REEP5: variants seen among roughly 807,000 people sequenced by gnomAD.
The protein encoded by REEP5 is receptor expression-enhancing protein 5.
A neutral mutation model predicts 22.4 loss-of-function variants in REEP5; 24 were observed. The observed-to-expected ratio is 1.07, with a 90% CI of 0.78 to 1.51. The LOEUF (loss-of-function observed/expected upper bound fraction) is 1.51, where lower values mean the gene tolerates loss of function less well. REEP5 is among the 40% of genes most tolerant of loss of function. REEP5 has a pLI of 0.00. For missense variants in REEP5, 252 were observed against 233.0 expected, an observed-to-expected ratio of 1.08 and a Z score of -0.53; for synonymous variants, 103 against 88.6, an observed-to-expected ratio of 1.16 and a Z score of -0.92.
chr5:112,910,507 T>G (rs1226326129), intron 2 of REEP5, among the ~76,000 whole-genome samples: 2 of 152,240 alleles, frequency 1.3e-5, no homozygotes, highest in Non-Finnish European at 2.9e-5. Context: ...CTAGGCATTC[T>G]ATAATACCAG....
chr5:112,881,128 C>CAAAAAAAAA (rs58737941), intron 4 of REEP5, among the ~76,000 whole-genome samples: 6 of 67,202 alleles, frequency 8.9e-5, no homozygotes, highest in Non-Finnish European at 1.3e-4. Context: ...GACTCTGTTT[C>CAAAAAAAAA]AAAAAAAAAA....
intron 4 of REEP5, chr5:112,882,049 G>A (rs138414710): frequency 6.9e-4 from 106 of 153,774 alleles, no homozygotes; most frequent in African/African-American, 2.5e-3. Flanking sequence ...TGTGATTACA[G>A]GTGTGAGCAC....
chr5:112,891,659 T>A, intron 3 of REEP5: 1 of 1,611,460 alleles, frequency 6.2e-7, no homozygotes, highest in Non-Finnish European at 8.5e-7. Flanking sequence ...CTTGAGAAGA[T>A]GACGTTTCCC....
intron 3 of REEP5, chr5:112,895,908 A>G (rs1768665965): frequency 6.6e-6 from 1 of 152,208 alleles, no homozygotes; most frequent in Admixed American, 6.5e-5. Context: ...GACAGAGTCC[A>G]TGCTATTTTA....
intron 2 of REEP5, among the ~76,000 whole-genome samples, chr5:112,920,246 T>C (rs1304673392): frequency 6.6e-6 from 1 of 152,242 alleles, no homozygotes; most frequent in African/African-American, 2.4e-5. Flanking sequence ...GACTAAATTC[T>C]AGCCTAACTA....
At chr5:112,921,784 T>C (rs1213415767) in intron 1 of REEP5, 2 of 295,010 alleles carry the variant, frequency 6.8e-6, no homozygotes, top group Non-Finnish European at 1.3e-5. Context: ...ACAGCAGGAA[T>C]AGGGCGCCGG....
At chr5:112,879,490 T>C (rs990570784) in intron 4 of REEP5, among the ~76,000 whole-genome samples, 1 of 152,212 alleles carries the variant, frequency 6.6e-6, no homozygotes, top group African/African-American at 2.4e-5. Context: ...TATTTATTTT[T>C]TGAGACGGAG....
chr5:112,900,208 T>C (rs750823509), intron 3 of REEP5, among the ~76,000 whole-genome samples: 6 of 152,362 alleles, frequency 3.9e-5, no homozygotes, highest in Admixed American at 6.5e-5. Flanking sequence ...TTTTTACTTA[T>C]GGAAATTGTT....
chr5:112,902,114 C>G (rs575257683), intron 3 of REEP5, among the ~76,000 whole-genome samples: 18 of 151,856 alleles, frequency 1.2e-4, no homozygotes, highest in African/African-American at 4.3e-4. Flanking sequence ...ATCTAAATTT[C>G]TTTAGATAAA....
At position 112,878,751 on chromosome 5, in the gene REEP5, T is replaced by G. The variant is rs769197433; in HGVS notation, c.*35A>C. ...ATAACATCAAGCTCCAGTAGGAAGG[T>G]ACAGAGAGGGCAGGAAGTTTCCATC... is the stretch of plus-strand genomic sequence containing the variant. On this transcript the variant is annotated 3_prime_UTR_variant, in exon 5 of 5. Coordinates refer to ENST00000379638, the MANE Select transcript of REEP5 (RefSeq NM_005669.5). 3.1e-6 allele frequency: 5 copies of G among 1,613,690 alleles called. No individual in the cohort carries two copies. The East Asian group carries it at 8.9e-5, about 29-fold the overall frequency.
intron 3 of REEP5, chr5:112,898,464 TCAAAAC>T (rs1167288425): frequency 1.3e-5 from 2 of 152,214 alleles, no homozygotes; most frequent in Admixed American, 1.3e-4. Flanking sequence ...TAAATGAACT[TCAAAAC>T]CAAATATAAA....
chr5:112,901,007 C>T (rs988412404), intron 3 of REEP5, among the ~76,000 whole-genome samples: 3 of 151,666 alleles, frequency 2.0e-5, no homozygotes, highest in African/African-American at 4.8e-5. Context: ...CAGCTAATTT[C>T]GTTTGTATTT....
At chr5:112,892,010 G>C (rs1461891951) in intron 3 of REEP5, 1 of 1,298,564 alleles carries the variant, frequency 7.7e-7, no homozygotes, top group East Asian at 2.3e-5. Context: ...AGGAAAGAGA[G>C]AGAAGAGGAG....
intron 2 of REEP5, among the ~76,000 whole-genome samples, chr5:112,912,058 T>G (rs570706532): frequency 6.6e-6 from 1 of 152,330 alleles, no homozygotes; most frequent in Admixed American, 6.5e-5. Context: ...TAACTCCCCT[T>G]AATTGAGCAC....
rs1404849465 is a variant in REEP5, at chr5:112,878,543, A to AC, written c.*242dup. The AC allele has an allele frequency of 4.0e-6, 2 of 504,478 alleles. No homozygotes were observed. Among genetic ancestry groups the AC allele is most frequent in the East Asian group, 6.3e-5 (2 of 31,730 alleles). The allele number at this position is 504,478 out of a possible 1,614,324, so 31.3% of individuals were successfully genotyped here. ...AGGATAGCAACATACATCTTTTCCTACCCAGAGGCAAAATACATTTTCCAA... is the reference window on the plus strand; with the variant it reads ...AGGATAGCAACATACATCTTTTCCTACCCCAGAGGCAAAATACATTTTCCAA... On this transcript the variant is annotated 3_prime_UTR_variant, in exon 5 of 5. Coordinates refer to ENST00000379638, the MANE Select transcript of REEP5 (RefSeq NM_005669.5).
intron 3 of REEP5, chr5:112,891,820 C>G: frequency 6.3e-7 from 1 of 1,584,210 alleles, no homozygotes; most frequent in Non-Finnish European, 8.7e-7. Flanking sequence ...TATTGAAGAA[C>G]AACAACTAGA....
chr5:112,881,768 A>G (rs1768082480), intron 4 of REEP5, among the ~76,000 whole-genome samples: 1 of 151,702 alleles, frequency 6.6e-6, no homozygotes, highest in African/African-American at 2.4e-5. Context: ...CACTACTCCT[A>G]TTATTTATTT....
intron 2 of REEP5, among the ~76,000 whole-genome samples, chr5:112,913,103 A>C (rs1769142322): frequency 6.6e-6 from 1 of 152,330 alleles, no homozygotes; most frequent in Middle Eastern, 3.4e-3. Context: ...CATGAGTTCA[A>C]GACCAGCCTG....
At chr5:112,918,670 A>G (rs184400541) in intron 2 of REEP5, among the ~76,000 whole-genome samples, 9 of 152,322 alleles carry the variant, frequency 5.9e-5, no homozygotes, top group Admixed American at 1.3e-4. Context: ...AAACCCATCC[A>G]AGGCAATCAG....
Sources: allele counts gnomAD v4.1 joint callset (sites outside exome capture counted in the v4.1 genomes callset), GRCh38; gene constraint gnomAD v4.1.1; transcripts MANE v1.5; gene names NCBI Gene and HGNC (gene_info 2026-07-23, HGNC 2026-07-21).